Variants in NETO2 observed in about 807,000 individuals in gnomAD.
NETO2 encodes the protein neuropilin and tolloid like 2, also known as neuropilin and tolloid-like protein 2.
Under a neutral mutation model 62.5 loss-of-function variants are expected in NETO2, and 28 were observed. The observed-to-expected ratio is 0.45, with a 90% CI of 0.33 to 0.61. The LOEUF (loss-of-function observed/expected upper bound fraction) is 0.61, where lower values mean the gene tolerates loss of function less well. Ranked by LOEUF, NETO2 falls within the 20% of genes least tolerant of loss-of-function variation. NETO2 has a pLI of 0.02. For missense variants in NETO2, 548 were observed against 643.2 expected, an observed-to-expected ratio of 0.85 and a Z score of 1.60; for synonymous variants, 214 against 219.1, an observed-to-expected ratio of 0.98 and a Z score of 0.21.
chr16:47,101,372 CACAAG>C (rs527984190), intron 7 of NETO2, among the ~76,000 whole-genome samples: 271 of 152,274 alleles, frequency 1.8e-3, no homozygotes, highest in African/African-American at 6.3e-3. Context: ...TGAAAACTGG[CACAAG>C]ACAAGGATGC....
At chr16:47,132,249 C>T (rs1225704910) in intron 1 of NETO2, among the ~76,000 whole-genome samples, 21 of 151,628 alleles carry the variant, frequency 1.4e-4, no homozygotes, top group Admixed American at 1.4e-3. Flanking sequence ...CATTTATAAG[C>T]ATTTAATAAT....
chr16:47,100,107 A>T (rs1321495794), intron 7 of NETO2, among the ~76,000 whole-genome samples: 1 of 152,190 alleles, frequency 6.6e-6, no homozygotes, highest in Non-Finnish European at 1.5e-5. Flanking sequence ...CATAACAAAC[A>T]GTCTCTCAGA....
chr16:47,100,733 C>A (rs896443734), intron 7 of NETO2, among the ~76,000 whole-genome samples: 1 of 152,128 alleles, frequency 6.6e-6, no homozygotes, highest in Non-Finnish European at 1.5e-5. Flanking sequence ...GACACATACA[C>A]CCTCCCAAGA....
chr16:47,110,418 T>C (rs1040294704), intron 6 of NETO2, among the ~76,000 whole-genome samples: 2 of 152,248 alleles, frequency 1.3e-5, no homozygotes, highest in South Asian at 2.1e-4. Flanking sequence ...TGGCGATTTC[T>C]CTTACATTGT....
intron 6 of NETO2, among the ~76,000 whole-genome samples, chr16:47,120,048 TGTTA>T (rs1282044383): frequency 3.9e-5 from 6 of 152,358 alleles, no homozygotes; most frequent in African/African-American, 1.4e-4. Context: ...ATGCTTGAAC[TGTTA>T]ATTACTAAGA....
At chr16:47,098,544 A>G (rs1427168770) in intron 7 of NETO2, among the ~76,000 whole-genome samples, 1 of 152,208 alleles carries the variant, frequency 6.6e-6, no homozygotes. Context: ...GACCAAACCT[A>G]CGTTTGACTG....
chr16:47,127,436 C>G (rs563916709), intron 4 of NETO2, among the ~76,000 whole-genome samples: 83 of 150,106 alleles, frequency 5.5e-4, no homozygotes, highest in African/African-American at 2.0e-3. Flanking sequence ...TGTATCTATA[C>G]ACACACACAC....
chr16:47,143,796 T>A lies in NETO2; in HGVS notation c.-184A>T. 1 of 823,886 alleles carries A rather than the reference T, an allele frequency of 1.2e-6. No homozygotes were observed. The allele number at this position is 823,886 out of a possible 1,614,324, so 51.0% of individuals were successfully genotyped here. ...GCCATGCCCGAGCCCCACAGTGGGC[T>A]CCCGCGCGGCCCGAGCACCCCGACG... On this transcript the variant is annotated 5_prime_UTR_variant, in exon 1 of 9. Transcript: ENST00000562435.
At position 47,083,783 on chromosome 16, in the gene NETO2, A is replaced by C; in HGVS notation, c.1016T>G (p.Val339Gly). ...NHCKEKKKAG[V>G]FEQITKTHGT... ...ATGAGTCTTAGTGATTTGTTCAAATACTCCTGCTTTTTTCTTTTCTGCAGA... is the reference window on the plus strand; with the variant it reads ...ATGAGTCTTAGTGATTTGTTCAAATCCTCCTGCTTTTTTCTTTTCTGCAGA... The change falls in exon 9 of 9, where the codon GTA becomes GGA. Residue 339 changes from valine to glycine, a missense_variant. Val to Gly is a moderately radical substitution (Grantham distance 109, BLOSUM62 -3). Coordinates refer to ENST00000562435, the MANE Select transcript of NETO2 (RefSeq NM_018092.5). 6.3e-7 allele frequency: 1 copy of C among 1,581,556 alleles called. No homozygotes were observed. The highest frequency in any genetic ancestry group is 8.6e-7 in the Non-Finnish European group (1 of 1,162,444).
At position 47,082,827 on chromosome 16, in the gene NETO2, T is replaced by C. The variant is rs1963095891; in HGVS notation, c.*394A>G. ...TTAGAGAAAGGAAAAATAAAAGGAA[T>C]GTAAAGAAAAATCAAGTTTATTGTG... On this transcript the variant is annotated 3_prime_UTR_variant, in exon 9 of 9. Coordinates refer to ENST00000562435, the MANE Select transcript of NETO2 (RefSeq NM_018092.5). The C allele has an allele frequency of 6.0e-6, 1 of 166,508 alleles. No individual in the cohort carries two copies. The highest frequency in any genetic ancestry group is 2.4e-5 in the African/African-American group (1 of 42,038). 10.3% of individuals were successfully genotyped at this position (166,508 alleles called of 1,614,324 possible). A position where few individuals can be genotyped will look rare whatever the true frequency, so the allele number is the denominator to read the frequency against.
At chr16:47,113,509 G>T (rs553743725) in intron 6 of NETO2, among the ~76,000 whole-genome samples, 6 of 151,044 alleles carry the variant, frequency 4.0e-5, no homozygotes, top group African/African-American at 1.5e-4. Flanking sequence ...TGCATTTGGG[G>T]TTACTGCATG....
At position 47,083,636 on chromosome 16, in the gene NETO2, C is replaced by T. The variant is rs572763783; in HGVS notation, c.1163G>A (p.Gly388Glu). Residue 388 changes from glycine to glutamate, a missense_variant, in exon 9 of 9, where the codon GGG (glycine) becomes GAG (glutamate). Physicochemically the swap from Gly to Glu is moderately conservative, Grantham distance 98. Coordinates refer to ENST00000562435, the MANE Select transcript of NETO2 (RefSeq NM_018092.5). ...AGGAGGATCAAACACTTCTTGGAAC[C>T]CGGTTTTATTAAAAGCGGTTTTGCA... ...MACKTAFNKTGFQEVFDPPHY... is the reference protein window; with the variant it reads ...MACKTAFNKTEFQEVFDPPHY... The T allele has an allele frequency of 1.2e-6, 2 of 1,614,138 alleles. No individual in the cohort carries two copies. Among genetic ancestry groups the T allele is most frequent in the Non-Finnish European group, 1.7e-6 (2 of 1,180,034 alleles).
chr16:47,107,337 G>A (rs1963697188), intron 7 of NETO2, among the ~76,000 whole-genome samples: 1 of 152,190 alleles, frequency 6.6e-6, no homozygotes, highest in African/African-American at 2.4e-5. Flanking sequence ...CAGACACCAT[G>A]ATGTTGGGGG....
At chr16:47,113,853 A>G (rs1482679518) in intron 6 of NETO2, among the ~76,000 whole-genome samples, 1 of 152,068 alleles carries the variant, frequency 6.6e-6, no homozygotes, top group African/African-American at 2.4e-5. Flanking sequence ...TCAGCCTCCC[A>G]AAGTGCTGGG....
intron 4 of NETO2, among the ~76,000 whole-genome samples, chr16:47,127,284 G>A (rs1964176046): frequency 6.6e-6 from 1 of 152,160 alleles, no homozygotes; most frequent in Admixed American, 6.5e-5. Context: ...ACGCCATACT[G>A]GACAGGGCTT....
chr16:47,103,934 G>C (rs775213664), intron 7 of NETO2, among the ~76,000 whole-genome samples: 3 of 152,166 alleles, frequency 2.0e-5, no homozygotes, highest in Non-Finnish European at 4.4e-5. Context: ...ATAATCAGTA[G>C]TGAAGGACAG....
intron 7 of NETO2, among the ~76,000 whole-genome samples, chr16:47,103,139 A>ACGTG (rs1332326490): frequency 1.3e-5 from 2 of 152,212 alleles, no homozygotes; most frequent in African/African-American, 4.8e-5. Flanking sequence ...TGTCCTTTGC[A>ACGTG]CGGACATGGA....
chr16:47,143,290 G>C (rs1006656992), intron 1 of NETO2, among the ~76,000 whole-genome samples: 2 of 152,032 alleles, frequency 1.3e-5, no homozygotes, highest in African/African-American at 2.4e-5. Flanking sequence ...GGAGGGCCCT[G>C]CTGGGCCCAG....
At chr16:47,135,385 G>A (rs973953987) in intron 1 of NETO2, among the ~76,000 whole-genome samples, 1 of 150,286 alleles carries the variant, frequency 6.7e-6, no homozygotes, top group Non-Finnish European at 1.5e-5. Context: ...ATGTATATAG[G>A]AAGGCGCTAA....
Sources: allele counts gnomAD v4.1 joint callset (sites outside exome capture counted in the v4.1 genomes callset), GRCh38; gene constraint gnomAD v4.1.1; transcripts MANE v1.5; gene names NCBI Gene and HGNC (gene_info 2026-07-23, HGNC 2026-07-21).